ZNF587B: variants seen among roughly 807,000 people sequenced by gnomAD.
ZNF587B encodes the protein zinc finger protein 587B.
In ZNF587B, 6 loss-of-function variants were observed where a neutral mutation model predicts 7.2. The observed-to-expected ratio is 0.83, with a 90% CI of 0.46 to 1.65. ZNF587B has a LOEUF of 1.65. ZNF587B is among the 40% of genes most tolerant of loss of function. ZNF587B has a pLI of 0.01. For synonymous variants in ZNF587B, 274 were observed against 254.3 expected (o/e 1.08, Z -0.74); for missense variants, 749 against 761.0 (o/e 0.98, Z 0.19).
chr19:57,844,245 A>G lies in ZNF587B; in HGVS notation c.*1669A>G. 2 of 435,908 alleles carry G rather than the reference A, an allele frequency of 4.6e-6. No individual in the cohort carries two copies. The highest frequency in any genetic ancestry group is 9.1e-6 in the Non-Finnish European group (2 of 219,174). 27.0% of individuals were successfully genotyped at this position (435,908 alleles called of 1,614,324 possible). A position where few individuals can be genotyped will look rare whatever the true frequency, so the allele number is the denominator to read the frequency against. ...GCTAAGCATGGTGGCTCATGCCTGT[A>G]ATCCCAACACTTTGGGAGGCCGAGG... On this transcript the variant is annotated 3_prime_UTR_variant, in exon 3 of 3. Coordinates refer to ENST00000594901, the MANE Select transcript of ZNF587B (RefSeq NM_001376223.1).
chr19:57,839,692 C>G (rs549318922), intron 2 of ZNF587B, among the ~76,000 whole-genome samples: 62 of 152,076 alleles, frequency 4.1e-4, no homozygotes, highest in Admixed American at 9.8e-4. Context: ...ATTTGGTCAT[C>G]ATTGTGGTGG....
chr19:57,836,552 T>G (rs1181248615), intron 1 of ZNF587B, among the ~76,000 whole-genome samples: 1 of 152,204 alleles, frequency 6.6e-6, no homozygotes, highest in African/African-American at 2.4e-5. Flanking sequence ...AACATGGTCT[T>G]GCCTTGTCGT....
rs1479609089 is a variant in ZNF587B, at chr19:57,842,431, C to G, written c.1757C>G (p.Ser586Cys). 5.6e-6 allele frequency: 9 copies of G among 1,602,960 alleles called. No individual in the cohort carries two copies. Among genetic ancestry groups the G allele is most frequent in the East Asian group, 2.2e-5 (1 of 44,862 alleles). Residue 586 changes from serine (S) to cysteine (C), a missense_variant, in exon 3 of 3, where the codon TCT becomes TGT. This residue lies in a region of ZNF587B where 656 missense variants were observed against 596.5 expected (regional missense o/e 1.10). Transcript: ENST00000594901. ...TATGAGTGCAGTGAATGTGGGAAAT[C>G]TTTTGCTGGAATCTCCAGTCTCACT... ...KPYECSECGK[S>C]FAGISSLTNH...
chr19:57,836,475 A>C (rs1292923902), intron 1 of ZNF587B, among the ~76,000 whole-genome samples: 1 of 152,176 alleles, frequency 6.6e-6, no homozygotes, highest in African/African-American at 2.4e-5. Context: ...GGCTGAGTGC[A>C]AGTTTCTTTC....
chr19:57,838,920 G>T (rs1257151155), intron 1 of ZNF587B, 103 bp from the exon 2 acceptor site: 16 of 1,423,374 alleles, frequency 1.1e-5, no homozygotes, highest in Non-Finnish European at 1.4e-5. Context: ...TATGTTTGAG[G>T]ACCTTGAGAG....
Position 57,841,672 on chromosome 19 carries a change from A to G in ZNF587B, c.998A>G (p.Lys333Arg). The change falls in exon 3 of 3, where the codon AAA (lysine) becomes AGA (arginine). Residue 333 changes from lysine (K) to arginine (R), a missense_variant. By Grantham distance (26) the Lys-to-Arg change is conservative. This residue lies in a region of ZNF587B where 656 missense variants were observed against 596.5 expected (regional missense o/e 1.10). Coordinates refer to ENST00000594901, the MANE Select transcript of ZNF587B (RefSeq NM_001376223.1). ...KGPYECGECG[K>R]SFSSNVNLKS... Reference sequence around the variant, plus strand: ...CCTTATGAGTGTGGAGAATGTGGGAAATCTTTTAGTTCAAACGTGAACCTT... The same window carrying G: ...CCTTATGAGTGTGGAGAATGTGGGAGATCTTTTAGTTCAAACGTGAACCTT... 5 of 1,605,328 alleles carry G rather than the reference A, an allele frequency of 3.1e-6. No homozygotes were observed. Among genetic ancestry groups the G allele is most frequent in the Non-Finnish European group, 4.3e-6 (5 of 1,175,934 alleles).
intron 1 of ZNF587B, among the ~76,000 whole-genome samples, chr19:57,838,408 C>G (rs949131924): frequency 1.5e-4 from 23 of 152,074 alleles, no homozygotes; most frequent in Non-Finnish European, 3.2e-4. Flanking sequence ...CAAGACCATC[C>G]TGGCCAACAT....
chr19:57,836,371 G>T lies in ZNF587B; in HGVS notation c.37-2652G>T, dbSNP rs536785167. Among the ~76,000 whole-genome samples the T allele has an allele frequency of 2.0e-5, 3 of 152,340 alleles. No homozygotes were observed. In the South Asian group the frequency reaches 6.2e-4, roughly 32 times the overall value. ...CGGTTTGAATGGGCCATACACTCTGGATGGTGTCAGCTACGATGTAGTGTA... is the reference window on the plus strand; with the variant it reads ...CGGTTTGAATGGGCCATACACTCTGTATGGTGTCAGCTACGATGTAGTGTA... On this transcript the variant is annotated intron_variant, in intron 1 of 2. Transcript: ENST00000594901.
In ZNF587B at chr19:57,846,172, G is replaced by A. The variant is rs1989046490; in HGVS notation, c.*3596G>A. On this transcript the variant is annotated 3_prime_UTR_variant, in exon 3 of 3. Coordinates refer to ENST00000594901, the MANE Select transcript of ZNF587B (RefSeq NM_001376223.1). ...CAAACAACCATTGATTTACTTTGCT[G>A]TATGATGGAGTACTTTCCATTTTCT... 6.6e-6 allele frequency: 1 copy of A among 152,048 alleles called. No individual in the cohort carries two copies. Among genetic ancestry groups the A allele is most frequent in the Non-Finnish European group, 1.5e-5 (1 of 68,022 alleles). 9.4% of individuals were successfully genotyped at this position (152,048 alleles called of 1,614,324 possible). A position where few individuals can be genotyped will look rare whatever the true frequency, so the allele number is the denominator to read the frequency against.
chr19:57,843,982 C>T lies in ZNF587B; in HGVS notation c.*1406C>T, dbSNP rs189291978. 1.6e-3 allele frequency among the ~76,000 whole-genome samples: 242 copies of T among 152,186 alleles called. No individual in the cohort carries two copies. Among genetic ancestry groups the T allele is most frequent in the Non-Finnish European group, 2.7e-3 (185 of 68,004 alleles). ...CAGTCTGGTCTCAAACTGCTGGTCT[C>T]GAGTGATCCTTCTGCCTGGCTTCCC... is the stretch of plus-strand genomic sequence containing the variant. On this transcript the variant is annotated 3_prime_UTR_variant, in exon 3 of 3. Transcript: ENST00000594901.
rs1988911072 is a variant in ZNF587B at position 57,842,855 on chromosome 19, C to T, written c.*279C>T. The T allele has an allele frequency of 1.3e-5, 13 of 985,368 alleles. 1 individual carries two copies. The South Asian group carries it at 3.8e-4, about 28-fold the overall frequency. The allele number at this position is 985,368 out of a possible 1,614,324, so 61.0% of individuals were successfully genotyped here. A position where few individuals can be genotyped will look rare whatever the true frequency, so the allele number is the denominator to read the frequency against. The stretch of plus-strand genomic sequence containing the variant: ...TATCCAGAAGTCTGGCTTCAAAACT[C>T]ACAGGAGAGCTGTCACTACGGAAAT... On this transcript the variant is annotated 3_prime_UTR_variant, in exon 3 of 3. Transcript: ENST00000594901.
rs1988632391 is a variant in ZNF587B at position 57,836,943 on chromosome 19, A to T, written c.37-2080A>T. 2.1e-5 allele frequency among the ~76,000 whole-genome samples: 3 copies of T among 144,104 alleles called. No individual in the cohort carries two copies. In the Admixed American group the frequency reaches 2.2e-4, roughly 11 times the overall value. 94.5% of individuals were successfully genotyped at this position (144,104 alleles called of 152,430 possible). A position where few individuals can be genotyped will look rare whatever the true frequency, so the allele number is the denominator to read the frequency against. On this transcript the variant is annotated intron_variant, in intron 1 of 2. Transcript: ENST00000594901. ...GCACCACCCCGCTCCAGCCTGGGTG[A>T]CAGTGAGACTCCGTCATAAAAAAAA...
In ZNF587B at chr19:57,846,173, T is replaced by A. The variant is rs1417360533; in HGVS notation, c.*3597T>A. On this transcript the variant is annotated 3_prime_UTR_variant, in exon 3 of 3. Coordinates refer to ENST00000594901, the MANE Select transcript of ZNF587B (RefSeq NM_001376223.1). Reference sequence around the variant, plus strand: ...AAACAACCATTGATTTACTTTGCTGTATGATGGAGTACTTTCCATTTTCTG... The same window carrying A: ...AAACAACCATTGATTTACTTTGCTGAATGATGGAGTACTTTCCATTTTCTG... The A allele has an allele frequency of 6.6e-6, 1 of 152,170 alleles. No individual in the cohort carries two copies. Among genetic ancestry groups the A allele is most frequent in the Admixed American group, 6.5e-5 (1 of 15,276 alleles). 9.4% of individuals were successfully genotyped at this position (152,170 alleles called of 1,614,324 possible). A position where few individuals can be genotyped will look rare whatever the true frequency, so the allele number is the denominator to read the frequency against.
At chr19:57,830,709 T>C in intron 1 of ZNF587B, 145 bp downstream of exon 1, 1 of 907,934 alleles carries the variant, frequency 1.1e-6, no homozygotes, top group Non-Finnish European at 1.7e-6. Context: ...GACAGCCCTT[T>C]TGAGCTGCTG....
rs1483515558 is a variant in ZNF587B, at chr19:57,841,471, G to C, written c.797G>C (p.Gly266Ala). 6.3e-7 allele frequency: 1 copy of C among 1,584,694 alleles called. No individual in the cohort carries two copies. Among genetic ancestry groups the C allele is most frequent in the Non-Finnish European group, 8.6e-7 (1 of 1,164,546 alleles). The change falls in exon 3 of 3, where the codon GGA becomes GCA. Residue 266 changes from glycine to alanine, a missense_variant. This residue lies in a region of ZNF587B where 656 missense variants were observed against 596.5 expected (regional missense o/e 1.10). Transcript: ENST00000594901. ...SFSNHQRVHS[G>A]KRPYECGECE... The stretch of plus-strand genomic sequence containing the variant: ...AGTAATCATCAGAGAGTTCACAGTG[G>C]AAAAAGACCTTATGAATGTGGAGAA...
intron 1 of ZNF587B, among the ~76,000 whole-genome samples, chr19:57,838,373 C>G (rs2122228756): frequency 6.6e-6 from 1 of 152,028 alleles, no homozygotes; most frequent in Non-Finnish European, 1.5e-5. Context: ...GAGGCCGAGG[C>G]AGATGGATCA....
rs753340982 is a variant in ZNF587B, at chr19:57,841,860, C to A, written c.1186C>A (p.His396Asn). The stretch of plus-strand genomic sequence containing the variant: ...TGGGAAATCTTATATTTCAAAGGGG[C>A]ACCTTAGGATCCATCAGCGCATGCA... Reference protein sequence around the residue: ...ECGKSYISKGHLRIHQRMHTG... With the variant: ...ECGKSYISKGNLRIHQRMHTG... Residue 396 changes from histidine to asparagine, a missense_variant, in exon 3 of 3, where the codon CAC becomes AAC. By Grantham distance (68) the His-to-Asn change is moderately conservative (BLOSUM62 1). Coordinates refer to ENST00000594901, the MANE Select transcript of ZNF587B (RefSeq NM_001376223.1). The A allele has an allele frequency of 6.2e-7, 1 of 1,612,154 alleles. No homozygotes were observed. Among genetic ancestry groups the A allele is most frequent in the Admixed American group, 1.7e-5 (1 of 59,720 alleles).
In ZNF587B at chr19:57,841,252, C is replaced by T; in HGVS notation, c.578C>T (p.Thr193Ile). ...SGLLQQEASHTGEKSNSKTEC... is the reference protein window; with the variant it reads ...SGLLQQEASHIGEKSNSKTEC... ...TTACTCCAGCAGGAGGCCAGTCACA[C>T]TGGGGAGAAGTCAAACAGCAAAACT... is the stretch of plus-strand genomic sequence containing the variant. The change falls in exon 3 of 3, where the codon ACT (threonine) becomes ATT (isoleucine). Residue 193 changes from threonine to isoleucine, a missense_variant. Thr to Ile is a moderately conservative substitution (Grantham distance 89). Coordinates refer to ENST00000594901, the MANE Select transcript of ZNF587B (RefSeq NM_001376223.1). 3 of 1,614,160 alleles carry T rather than the reference C, an allele frequency of 1.9e-6. No homozygotes were observed. The highest frequency in any genetic ancestry group is 2.5e-6 in the Non-Finnish European group (3 of 1,180,034).
rs1376602404 is a variant in ZNF587B at position 57,844,359 on chromosome 19, CG to C, written c.*1786del. The C allele has an allele frequency of 7.2e-6, 2 of 279,286 alleles. No homozygotes were observed. The highest frequency in any genetic ancestry group is 4.7e-5 in the African/African-American group (2 of 42,494). 17.3% of individuals were successfully genotyped at this position (279,286 alleles called of 1,614,324 possible). On this transcript the variant is annotated 3_prime_UTR_variant, in exon 3 of 3. Transcript: ENST00000594901. ...CTCTTCTAAAAATATAAAAATTAGC[CG>C]GGCATGGTGGCGCACCTGTAGCCGC...
Sources: gnomAD v4.1 joint callset for allele counts (sites outside exome capture counted in the v4.1 genomes callset) on GRCh38, gnomAD v4.1.1 for gene constraint, gnomAD v4.1.1 regional missense constraint, MANE v1.5 for transcripts, NCBI Gene and HGNC (gene_info 2026-07-23, HGNC 2026-07-21) for gene names.